Variants in MACROD2 observed in about 807,000 individuals in gnomAD.
MACROD2 encodes the protein ADP-ribose glycohydrolase MACROD2.
In MACROD2, 36 loss-of-function variants were observed where a neutral mutation model predicts 70.4. The ratio of observed to expected loss-of-function variants is 0.51; its 90% CI spans 0.39 to 0.68. The LOEUF (loss-of-function observed/expected upper bound fraction) is 0.68, where lower values mean the gene tolerates loss of function less well. Among genes scored for constraint, MACROD2 ranks in the 30% least tolerant of loss-of-function variants. The pLI is 0.00. For synonymous variants in MACROD2, 172 were observed against 178.8 expected (o/e 0.96, Z 0.30); for missense variants, 496 against 538.4 (o/e 0.92, Z 0.78).
chr20:14,499,325 G>A (rs973049253), intron 4 of MACROD2, among the ~76,000 whole-genome samples: 21 of 152,174 alleles, frequency 1.4e-4, no homozygotes, highest in African/African-American at 4.8e-4. Flanking sequence ...GAGACCAGGA[G>A]TTTGAGACCA....
At chr20:15,135,846 T>A (rs6043108) in intron 5 of MACROD2, among the ~76,000 whole-genome samples, 2 of 149,938 alleles carry the variant, frequency 1.3e-5, no homozygotes, top group South Asian at 2.1e-4. Context: ...CTCCTTAAGC[T>A]GATAAGCAAC....
chr20:15,970,281 A>G (rs1022749367), intron 13 of MACROD2, among the ~76,000 whole-genome samples: 22 of 152,186 alleles, frequency 1.4e-4, no homozygotes, highest in Non-Finnish European at 2.9e-4. Context: ...AGGGCAAGGT[A>G]AATGGTAGTT....
At chr20:15,433,459 C>CAAAAAA (rs60298297) in intron 7 of MACROD2, among the ~76,000 whole-genome samples, 7,558 of 87,856 alleles carry the variant, frequency 0.086, 581 homozygotes, top group Non-Finnish European at 0.12. Context: ...ACAAGAGCTG[C>CAAAAAA]AAAAAAAAAA....
At chr20:14,579,225 TC>T (rs1387519849) in intron 4 of MACROD2, among the ~76,000 whole-genome samples, 2 of 135,412 alleles carry the variant, frequency 1.5e-5, no homozygotes, top group African/African-American at 2.7e-5. Context: ...CACTGCAAGC[TC>T]CGCTTCCCGG....
chr20:14,411,436 C>T (rs893061239), intron 3 of MACROD2, among the ~76,000 whole-genome samples: 1 of 151,998 alleles, frequency 6.6e-6, no homozygotes. Context: ...CTCATTAACC[C>T]CGAATTTAAA....
chr20:14,259,931 A>C (rs534639163), intron 3 of MACROD2, among the ~76,000 whole-genome samples: 12 of 152,310 alleles, frequency 7.9e-5, no homozygotes, highest in South Asian at 4.1e-4. Flanking sequence ...AAAGAATTGG[A>C]AACAGATTGA....
intron 5 of MACROD2, among the ~76,000 whole-genome samples, chr20:15,069,101 G>A (rs933415492): frequency 6.6e-6 from 1 of 152,092 alleles, no homozygotes; most frequent in Non-Finnish European, 1.5e-5. Flanking sequence ...ACTAGCAAAG[G>A]GCTTGGCTGC....
intron 8 of MACROD2, among the ~76,000 whole-genome samples, chr20:15,573,697 C>A (rs1181561244): frequency 1.3e-5 from 2 of 152,116 alleles, no homozygotes; most frequent in Non-Finnish European, 2.9e-5. Flanking sequence ...CCTCATCAAG[C>A]AACCCCCTTG....
At chr20:14,469,558 A>G (rs1209217627) in intron 3 of MACROD2, among the ~76,000 whole-genome samples, 1 of 152,036 alleles carries the variant, frequency 6.6e-6, no homozygotes, top group Non-Finnish European at 1.5e-5. Context: ...ACTTTCAGGT[A>G]CACCAATCAG....
chr20:15,316,402 A>G (rs1254928466), intron 6 of MACROD2, among the ~76,000 whole-genome samples: 3 of 152,056 alleles, frequency 2.0e-5, no homozygotes, highest in African/African-American at 7.2e-5. Flanking sequence ...TGGCTCTACT[A>G]ATATCAGGCA....
At chr20:14,412,071 G>C (rs894293804) in intron 3 of MACROD2, among the ~76,000 whole-genome samples, 1 of 152,068 alleles carries the variant, frequency 6.6e-6, no homozygotes, top group African/African-American at 2.4e-5. Flanking sequence ...TTTTCTTTCT[G>C]TGAAGAATTC....
At chr20:14,564,799 T>C (rs1979667757) in intron 4 of MACROD2, among the ~76,000 whole-genome samples, 3 of 151,840 alleles carry the variant, frequency 2.0e-5, no homozygotes. Flanking sequence ...GAACTAAAAA[T>C]AGAACTATCA....
intron 2 of MACROD2, among the ~76,000 whole-genome samples, chr20:14,080,577 A>T (rs1342027464): frequency 6.6e-6 from 1 of 152,100 alleles, no homozygotes; most frequent in African/African-American, 2.4e-5. Flanking sequence ...ATGAGACCAG[A>T]CTTATTTTGT....
chr20:15,476,730 A>C lies in MACROD2; in HGVS notation c.572-23044A>C, dbSNP rs555379653. On this transcript the variant is annotated intron_variant, in intron 7 of 17. Coordinates refer to ENST00000684519, the MANE Select transcript of MACROD2 (RefSeq NM_001351661.2). ...GTAACAGAGAAGAAAAACCAGCAAG[A>C]TATCCCTGTAAAGCATTGCTATGGT... Among the ~76,000 whole-genome samples, 90 of 152,324 alleles carry C rather than the reference A, an allele frequency of 5.9e-4. 1 individual carries two copies. Among genetic ancestry groups the C allele is most frequent in the Middle Eastern group, 6.8e-3 (2 of 294 alleles).
intron 8 of MACROD2, among the ~76,000 whole-genome samples, chr20:15,772,750 A>G (rs1212089799): frequency 6.6e-6 from 1 of 152,142 alleles, no homozygotes; most frequent in Non-Finnish European, 1.5e-5. Context: ...TAAAACCATC[A>G]AATATTGGGT....
At chr20:14,919,552 G>T (rs960758599) in intron 5 of MACROD2, among the ~76,000 whole-genome samples, 12 of 152,298 alleles carry the variant, frequency 7.9e-5, no homozygotes, top group African/African-American at 2.6e-4. Context: ...CAGGAACAGG[G>T]CCGTGTTCTC....
At chr20:14,838,038 A>G (rs1181246440) in intron 5 of MACROD2, among the ~76,000 whole-genome samples, 1 of 152,124 alleles carries the variant, frequency 6.6e-6, no homozygotes, top group Non-Finnish European at 1.5e-5. Flanking sequence ...GGGCAAAAAT[A>G]GTAGTTAACA....
intron 5 of MACROD2, among the ~76,000 whole-genome samples, chr20:15,097,341 A>C (rs946732426): frequency 1.3e-5 from 2 of 152,176 alleles, no homozygotes; most frequent in Non-Finnish European, 2.9e-5. Context: ...TTTGCACAAA[A>C]TGTAATGCTT....
intron 3 of MACROD2, among the ~76,000 whole-genome samples, chr20:14,129,094 A>G (rs986934384): frequency 6.6e-6 from 1 of 152,246 alleles, no homozygotes; most frequent in African/African-American, 2.4e-5. Flanking sequence ...TTATAAGGCT[A>G]TAATTGCCAT....
Sources: gnomAD v4.1 joint callset for allele counts (sites outside exome capture counted in the v4.1 genomes callset) on GRCh38, gnomAD v4.1.1 for gene constraint, MANE v1.5 for transcripts, NCBI Gene and HGNC (gene_info 2026-07-23, HGNC 2026-07-21) for gene names.